The following TJP1 variants were observed in gnomAD, a reference collection of about 807,000 sequenced individuals.
TJP1 encodes tight junction protein 1, also known as tight junction protein ZO-1.
In TJP1, 43 loss-of-function variants were observed where a neutral mutation model predicts 194.2. The observed-to-expected ratio is 0.22, with a 90% CI of 0.17 to 0.29. TJP1 has a LOEUF of 0.29. TJP1 is among the 10% of genes least tolerant of loss of function. The probability of loss-of-function intolerance (pLI) is 1.00; values close to 1 mark genes in which losing one functional copy is unlikely to be tolerated. For missense variants in TJP1, 1,971 were observed against 2,185.7 expected (o/e 0.90, Z 1.96); for synonymous variants, 801 against 779.0 (o/e 1.03, Z -0.47).
intron 8 of TJP1, among the ~76,000 whole-genome samples, chr15:29,746,985 G>T (rs551254675): frequency 6.6e-6 from 1 of 151,490 alleles, no homozygotes; most frequent in African/African-American, 2.4e-5. Context: ...AAGATTGGCC[G>T]GTTAAATATG....
At chr15:29,847,637 T>A (rs1038900953) in intron 2 of TJP1, among the ~76,000 whole-genome samples, 3 of 151,948 alleles carry the variant, frequency 2.0e-5, no homozygotes, top group African/African-American at 7.3e-5. Context: ...TACAAAAAAT[T>A]AGCCGGGCGA....
At chr15:29,879,308 C>T (rs1221271736) in intron 2 of TJP1, among the ~76,000 whole-genome samples, 1 of 152,090 alleles carries the variant, frequency 6.6e-6, no homozygotes. Context: ...AGGCTGGGAA[C>T]AGACGGACGG....
At chr15:29,801,138 C>G (rs969555885) in intron 1 of TJP1, among the ~76,000 whole-genome samples, 1 of 152,150 alleles carries the variant, frequency 6.6e-6, no homozygotes, top group Non-Finnish European at 1.5e-5. Context: ...CACAGGAAAA[C>G]AGATAAAACC....
chr15:29,700,047 T>C (rs1418250552), downstream of TJP1: 1 of 370,248 alleles, frequency 2.7e-6, no homozygotes, highest in Non-Finnish European at 4.8e-6. Context: ...GACGACGAGG[T>C]GGTAGGTGAC....
chr15:29,957,623 T>C (rs1208732935), intron 1 of TJP1, among the ~76,000 whole-genome samples: 1 of 152,234 alleles, frequency 6.6e-6, no homozygotes, highest in Admixed American at 6.5e-5. Flanking sequence ...TGGTATCCCA[T>C]AACATAGATG....
rs71103411 is a variant in TJP1 at position 29,811,858 on chromosome 15, AAATG to A, written c.27+10140_27+10143del. Among the ~76,000 whole-genome samples the A allele has an allele frequency of 2.3e-3, 342 of 150,470 alleles. 1 individual carries two copies. Among genetic ancestry groups the A allele is most frequent in the Middle Eastern group, 6.8e-3 (2 of 292 alleles). On this transcript the variant is annotated intron_variant, in intron 1 of 27. Coordinates refer to ENST00000614355, the MANE Select transcript of TJP1 (RefSeq NM_001330239.4). ...TAACCTACAGGCTGATCTCTGTCCA[AAATG>A]AATGAATGAATGAATGAATGAATGA... is the stretch of plus-strand genomic sequence containing the variant.
At chr15:29,859,589 G>A (rs2051995531) in intron 2 of TJP1, among the ~76,000 whole-genome samples, 1 of 151,990 alleles carries the variant, frequency 6.6e-6, no homozygotes, top group Non-Finnish European at 1.5e-5. Context: ...GGAAGTGGCT[G>A]TGAAACCGGG....
intron 2 of TJP1, among the ~76,000 whole-genome samples, chr15:29,895,641 T>A (rs1183529393): frequency 6.6e-6 from 1 of 152,180 alleles, no homozygotes; most frequent in Admixed American, 6.5e-5. Flanking sequence ...CTCACCAGAA[T>A]TGCCCTTTAG....
chr15:29,884,981 A>C lies in TJP1; in HGVS notation c.306+71251T>G, dbSNP rs867144490. 5.9e-5 allele frequency among the ~76,000 whole-genome samples: 9 copies of C among 152,338 alleles called. No individual in the cohort carries two copies. The South Asian group carries it at 8.3e-4, about 14-fold the overall frequency. ...TTCTCGTTCCCTAGCAAGTGTAAAC[A>C]TTAAAGGCTTCTGTCATCCTGGGGC... On this transcript the variant is annotated intron_variant, in intron 2 of 28. Transcript: ENST00000356107.
In TJP1 at chr15:29,736,187, G is replaced by A. The variant is rs2044022759; in HGVS notation, c.1407+1077C>T. On this transcript the variant is annotated intron_variant, in intron 11 of 27. Transcript: ENST00000614355. ...ACTCAGCAATGGCTTATTGAAAACT[G>A]AGCTTCAGTGTGGTGAAGGTGGAAG... 1.3e-5 allele frequency among the ~76,000 whole-genome samples: 2 copies of A among 152,234 alleles called. 1 individual carries two copies. The highest frequency in any genetic ancestry group is 4.1e-4 in the South Asian group (2 of 4,830).
At chr15:29,804,741 C>T (rs2049010095) in intron 1 of TJP1, among the ~76,000 whole-genome samples, 1 of 152,138 alleles carries the variant, frequency 6.6e-6, no homozygotes, top group Admixed American at 6.5e-5. Flanking sequence ...ATAACTTGCA[C>T]AAAAAGCTTC....
rs373657261 is a variant in TJP1 at position 29,729,707 on chromosome 15, C to G, written c.2018-1688G>C. Among the ~76,000 whole-genome samples the G allele has an allele frequency of 1.8e-4, 27 of 151,856 alleles. No individual in the cohort carries two copies. In the East Asian group the frequency reaches 4.7e-3, roughly 26 times the overall value. ...TGGTGGCGGGTGCCTGTAGTCCCAG[C>G]TACTCGGGAGGCTGAGGCAGGAGAA... is the stretch of plus-strand genomic sequence containing the variant. On this transcript the variant is annotated intron_variant, in intron 15 of 27. Coordinates refer to ENST00000614355, the MANE Select transcript of TJP1 (RefSeq NM_001330239.4).
At chr15:29,949,666 A>C (rs868402557) in intron 2 of TJP1, among the ~76,000 whole-genome samples, 2,434 of 17,996 alleles carry the variant, frequency 0.14, no homozygotes, top group South Asian at 0.19. Context: ...CCACCTCCAC[A>C]ACCACCACCT....
intron 2 of TJP1, among the ~76,000 whole-genome samples, chr15:29,892,812 A>G (rs930505788): frequency 1.3e-5 from 2 of 152,210 alleles, no homozygotes; most frequent in African/African-American, 4.8e-5. Flanking sequence ...GTAATCCAAG[A>G]GCTCTGATGG....
At chr15:29,911,898 G>A (rs2054026205) in intron 2 of TJP1, among the ~76,000 whole-genome samples, 1 of 152,212 alleles carries the variant, frequency 6.6e-6, no homozygotes, top group Non-Finnish European at 1.5e-5. Context: ...GAGTTATGGG[G>A]ATATAGAAAA....
intron 2 of TJP1, among the ~76,000 whole-genome samples, chr15:29,914,124 T>C (rs2054107825): frequency 6.6e-6 from 1 of 152,172 alleles, no homozygotes. Context: ...CAAACAGTAT[T>C]AATATGTTTT....
chr15:29,907,732 T>C (rs2152214984), intron 2 of TJP1, among the ~76,000 whole-genome samples: 1 of 152,184 alleles, frequency 6.6e-6, no homozygotes, highest in South Asian at 2.1e-4. Flanking sequence ...AACTTACCCA[T>C]CACATTCATG....
At chr15:29,814,759 C>T (rs1456117380) in intron 1 of TJP1, among the ~76,000 whole-genome samples, 1 of 152,140 alleles carries the variant, frequency 6.6e-6, no homozygotes, top group African/African-American at 2.4e-5. Context: ...CCTTTCCGGA[C>T]ATGATAAACT....
At chr15:29,929,611 C>T (rs2054638546) in intron 2 of TJP1, among the ~76,000 whole-genome samples, 1 of 152,060 alleles carries the variant, frequency 6.6e-6, no homozygotes, top group Non-Finnish European at 1.5e-5. Context: ...GCAGAAGAAT[C>T]ACTTGAACCA....
Sources: gnomAD v4.1 joint callset for allele counts (sites outside exome capture counted in the v4.1 genomes callset) on GRCh38, gnomAD v4.1.1 for gene constraint, MANE v1.5 for transcripts, NCBI Gene and HGNC (gene_info 2026-07-23, HGNC 2026-07-21) for gene names.